DNAH11: variants seen among roughly 807,000 people sequenced by gnomAD.
The protein encoded by DNAH11 is dynein axonemal heavy chain 11.
In DNAH11, 442 loss-of-function variants were observed where a neutral mutation model predicts 526.0. The ratio of observed to expected loss-of-function variants is 0.84; its 90% CI spans 0.78 to 0.91. The LOEUF (loss-of-function observed/expected upper bound fraction) is 0.91. Among genes scored for constraint, DNAH11 ranks in the 40% least tolerant of loss-of-function variants. DNAH11 has a pLI of 0.00. For synonymous variants in DNAH11, 2,461 were observed against 1,935.9 expected (o/e 1.27, Z -7.12); for missense variants, 6,989 against 5,448.7 (o/e 1.28, Z -8.90).
At chr7:21,868,034 C>G (rs67137824) in intron 72 of DNAH11, 27 bp downstream of exon 72, 1 of 1,464,328 alleles carries the variant, frequency 6.8e-7, no homozygotes, top group Non-Finnish European at 9.1e-7. Flanking sequence ...CTCGCTGGCC[C>G]GCCCCTTCTC....
intron 5 of DNAH11, 143 bp from the exon 6 acceptor site, chr7:21,564,043 A>C: frequency 7.3e-6 from 4 of 547,608 alleles, no homozygotes; most frequent in South Asian, 3.9e-5. Context: ...TGTAGATTGT[A>C]GGATAAGTAA....
chr7:21,776,292 G>C (rs781283766), intron 56 of DNAH11, among the ~76,000 whole-genome samples: 5 of 152,154 alleles, frequency 3.3e-5, no homozygotes, highest in Non-Finnish European at 7.3e-5. Flanking sequence ...TTAGGTATTT[G>C]TGCATGGAAT....
intron 1 of DNAH11, 83 bp from the exon 2 acceptor site, chr7:21,544,923 C>A: frequency 8.3e-7 from 1 of 1,202,074 alleles, no homozygotes; most frequent in Non-Finnish European, 1.1e-6. Flanking sequence ...CTTCTGCTAG[C>A]AATACAGCTA....
At chr7:21,557,438 C>A (rs1420902680) in intron 2 of DNAH11, among the ~76,000 whole-genome samples, 1 of 152,096 alleles carries the variant, frequency 6.6e-6, no homozygotes, top group Non-Finnish European at 1.5e-5. Flanking sequence ...GTAGTGAATT[C>A]GGGTATCTGA....
intron 14 of DNAH11, among the ~76,000 whole-genome samples, chr7:21,598,047 G>T (rs1461671436): frequency 6.6e-6 from 1 of 152,088 alleles, no homozygotes; most frequent in Non-Finnish European, 1.5e-5. Context: ...TCTCTCCCCT[G>T]CCTTATTAGG....
Position 21,543,073 on chromosome 7 carries a change from G to T in DNAH11, c.-173G>T. The stretch of plus-strand genomic sequence containing the variant: ...CTTCGCTTCGGCCTGCGAGGCTACA[G>T]CTGTGCGCAGTGGCGCGGCTGCTAA... On this transcript the variant is annotated 5_prime_UTR_variant, in exon 1 of 82. Transcript: ENST00000409508. 2 of 1,365,938 alleles carry T rather than the reference G, an allele frequency of 1.5e-6. No homozygotes were observed. The highest frequency in any genetic ancestry group is 3.1e-5 in the Admixed American group (1 of 32,578). The allele number at this position is 1,365,938 out of a possible 1,614,324, so 84.6% of individuals were successfully genotyped here.
intron 54 of DNAH11, among the ~76,000 whole-genome samples, chr7:21,757,069 A>T (rs1378820846): frequency 6.6e-6 from 1 of 152,210 alleles, no homozygotes; most frequent in Non-Finnish European, 1.5e-5. Flanking sequence ...GAATGGATGG[A>T]TATTTAGTTA....
In DNAH11 at chr7:21,748,673, A is replaced by G. The variant is rs1383239385; in HGVS notation, c.8604A>G (p.Ala2868=). 3 of 1,613,714 alleles carry G rather than the reference A, an allele frequency of 1.9e-6. No homozygotes were observed. In the South Asian group the frequency reaches 3.3e-5, roughly 18 times the overall value. Residue 2868 remains alanine (A), a synonymous_variant, in exon 52 of 82, where the codon GCA becomes GCG. Coordinates refer to ENST00000409508, the MANE Select transcript of DNAH11 (RefSeq NM_001277115.2). ...GSGKQSLSRL[A]AYLRGLEVFQ... ...GCAAGCAGAGCTTGTCCAGGCTGGC[A>G]GCTTACCTTCGTGGCCTTGAGGTCT... is the stretch of plus-strand genomic sequence containing the variant.
At position 21,564,380 on chromosome 7, in the gene DNAH11, A is replaced by T. The variant is rs374949958; in HGVS notation, c.1177A>T (p.Asn393Tyr). 1 of 1,612,480 alleles carries T rather than the reference A, an allele frequency of 6.2e-7. No homozygotes were observed. Among genetic ancestry groups the T allele is most frequent in the East Asian group, 2.2e-5 (1 of 44,856 alleles). Residue 393 changes from asparagine (N) to tyrosine (Y), a missense_variant, in exon 6 of 82, where the codon AAT becomes TAT. Physicochemically the swap from Asn to Tyr is moderately radical, Grantham distance 143 (BLOSUM62 -2). Transcript: ENST00000409508. Reference protein sequence around the residue: ...RVIVLLQEFCNLFINQATAYL... With the variant: ...RVIVLLQEFCYLFINQATAYL... ...TATAGTTTTATTGCAAGAGTTTTGT[A>T]ATCTCTTCATTAACCAGGTATGAAG...
intron 25 of DNAH11, among the ~76,000 whole-genome samples, chr7:21,627,563 C>T (rs1229668691): frequency 1.3e-5 from 2 of 151,988 alleles, no homozygotes; most frequent in African/African-American, 2.4e-5. Context: ...GTTCTTGGCA[C>T]CTTAGTTGAA....
rs999456734 is a variant in DNAH11 at position 21,765,672 on chromosome 7, C to G, written c.9102+83C>G. 17 of 1,411,178 alleles carry G rather than the reference C, an allele frequency of 1.2e-5. No individual in the cohort carries two copies. The African/African-American group carries it at 2.3e-4, about 19-fold the overall frequency. 87.4% of individuals were successfully genotyped at this position (1,411,178 alleles called of 1,614,324 possible). A position where few individuals can be genotyped will look rare whatever the true frequency, so the allele number is the denominator to read the frequency against. On this transcript the variant is annotated intron_variant, in intron 55 of 81. Transcript: ENST00000409508. ...CACACACACACACTCTGAAAATCCT[C>G]AGTAGGTAAGTGCTTTCCACAGTAC...
At chr7:21,563,264 A>G (rs1400768010) in intron 5 of DNAH11, among the ~76,000 whole-genome samples, 14 of 151,538 alleles carry the variant, frequency 9.2e-5, no homozygotes, top group Non-Finnish European at 1.5e-5. Context: ...GCTGGAGTGC[A>G]GTGGTATGAT....
chr7:21,708,416 T>C (rs1784349305), intron 40 of DNAH11, among the ~76,000 whole-genome samples: 1 of 152,230 alleles, frequency 6.6e-6, no homozygotes, highest in Admixed American at 6.5e-5. Context: ...TCTCCATAGA[T>C]GCCACGTTAG....
intron 63 of DNAH11, among the ~76,000 whole-genome samples, chr7:21,813,235 A>C (rs1359632147): frequency 6.6e-6 from 1 of 152,196 alleles, no homozygotes; most frequent in Non-Finnish European, 1.5e-5. Flanking sequence ...GGCAAGTTCA[A>C]GGCAGCCTTT....
chr7:21,715,246 TA>T (rs1422179512), intron 42 of DNAH11, among the ~76,000 whole-genome samples: 4 of 152,172 alleles, frequency 2.6e-5, no homozygotes, highest in Non-Finnish European at 5.9e-5. Context: ...GAGTAATAAA[TA>T]AAAAGTTTTC....
intron 63 of DNAH11, among the ~76,000 whole-genome samples, chr7:21,810,433 A>G (rs1789465882): frequency 6.6e-6 from 1 of 152,202 alleles, no homozygotes; most frequent in Non-Finnish European, 1.5e-5. Flanking sequence ...TATTATTAGA[A>G]AATTGAAGCA....
At chr7:21,696,543 G>C (rs1010157387) in intron 35 of DNAH11, among the ~76,000 whole-genome samples, 1 of 152,188 alleles carries the variant, frequency 6.6e-6, no homozygotes, top group Non-Finnish European at 1.5e-5. Context: ...TTTGAAAACT[G>C]TGTGCATTTC....
chr7:21,786,630 C>A lies in DNAH11; in HGVS notation c.9604C>A (p.Leu3202Ile). 1 of 1,611,776 alleles carries A rather than the reference C, an allele frequency of 6.2e-7. No homozygotes were observed. The highest frequency in any genetic ancestry group is 8.5e-7 in the Non-Finnish European group (1 of 1,178,416). Reference sequence around the variant, plus strand: ...TCTGTGTGCTTTTCTTCAGGTCAACCTCAGTGAGCTGAAAGCCTTTCCCAA... The same window carrying A: ...TCTGTGTGCTTTTCTTCAGGTCAACATCAGTGAGCTGAAAGCCTTTCCCAA... ...AALNTLNRVNLSELKAFPNPP... is the reference protein window; with the variant it reads ...AALNTLNRVNISELKAFPNPP... Residue 3202 changes from leucine to isoleucine, a missense_variant, in exon 59 of 82, where the codon CTC becomes ATC. Leu to Ile is a conservative substitution (Grantham distance 5). Coordinates refer to ENST00000409508, the MANE Select transcript of DNAH11 (RefSeq NM_001277115.2).
intron 68 of DNAH11, among the ~76,000 whole-genome samples, chr7:21,861,146 G>A (rs1477776829): frequency 3.3e-5 from 5 of 152,186 alleles, no homozygotes; most frequent in Non-Finnish European, 5.9e-5. Flanking sequence ...GGTTGCCAGG[G>A]ATGCGGGGAA....
Sources: gnomAD v4.1 joint callset for allele counts (sites outside exome capture counted in the v4.1 genomes callset) on GRCh38, gnomAD v4.1.1 for gene constraint, MANE v1.5 for transcripts, NCBI Gene and HGNC (gene_info 2026-07-23, HGNC 2026-07-21) for gene names.